LRP1B: variants seen among roughly 807,000 people sequenced by gnomAD.
The protein encoded by LRP1B is low-density lipoprotein receptor-related protein 1B.
LRP1B carries 217 observed loss-of-function variants against 556.6 expected under a neutral mutation model. That is an observed-to-expected ratio of 0.39 (90% CI 0.35 to 0.44). The LOEUF (loss-of-function observed/expected upper bound fraction) is 0.44, where lower values mean the gene tolerates loss of function less well. Among genes scored for constraint, LRP1B ranks in the 20% least tolerant of loss-of-function variants. The pLI is 1.00. For synonymous variants in LRP1B, 2,047 were observed against 1,865.8 expected (o/e 1.10, Z -2.50); for missense variants, 5,053 against 5,620.8 (o/e 0.90, Z 3.23).
intron 1 of LRP1B, among the ~76,000 whole-genome samples, chr2:141,951,891 C>A (rs767467607): frequency 2.0e-5 from 3 of 151,748 alleles, no homozygotes; most frequent in Admixed American, 2.0e-4. Flanking sequence ...ATGTGTACAA[C>A]GTGCATGTTT....
At chr2:140,907,666 T>A (rs1694296035) in intron 22 of LRP1B, among the ~76,000 whole-genome samples, 1 of 152,144 alleles carries the variant, frequency 6.6e-6, no homozygotes, top group Non-Finnish European at 1.5e-5. Flanking sequence ...TAGGCTAGCT[T>A]TTCCTATCTT....
chr2:142,010,554 C>CAAAAAAAAAAA (rs33927334), intron 1 of LRP1B, among the ~76,000 whole-genome samples: 8 of 60,234 alleles, frequency 1.3e-4, no homozygotes, highest in African/African-American at 3.2e-4. Context: ...GATTCTGTCT[C>CAAAAAAAAAAA]AAAAAAAAAA....
chr2:140,484,916 T>C (rs1321710512), intron 59 of LRP1B, among the ~76,000 whole-genome samples: 1 of 152,164 alleles, frequency 6.6e-6, no homozygotes. Flanking sequence ...TTATTATCCA[T>C]GGATACTGCT....
At chr2:141,661,545 A>G (rs1156304369) in intron 2 of LRP1B, among the ~76,000 whole-genome samples, 2 of 152,228 alleles carry the variant, frequency 1.3e-5, no homozygotes, top group African/African-American at 4.8e-5. Flanking sequence ...CACAAGTATC[A>G]AGAGCTGAAA....
chr2:141,836,899 T>A (rs1387711375), intron 1 of LRP1B, among the ~76,000 whole-genome samples: 3 of 152,022 alleles, frequency 2.0e-5, no homozygotes, highest in African/African-American at 7.2e-5. Flanking sequence ...CAAAGTAATT[T>A]TTTTTCTAAT....
chr2:141,159,991 GA>G (rs1243918678), intron 7 of LRP1B, among the ~76,000 whole-genome samples: 4 of 152,022 alleles, frequency 2.6e-5, no homozygotes, highest in Non-Finnish European at 5.9e-5. Flanking sequence ...AGGGCCTGTT[GA>G]GGGGTGGGAG....
At chr2:141,518,985 G>A (rs1315662353) in intron 2 of LRP1B, among the ~76,000 whole-genome samples, 2 of 151,336 alleles carry the variant, frequency 1.3e-5, no homozygotes, top group African/African-American at 4.9e-5. Flanking sequence ...AGAGAAAGAG[G>A]ATGTGGGGAG....
chr2:141,238,084 G>A (rs1683725335), intron 5 of LRP1B, among the ~76,000 whole-genome samples: 1 of 152,064 alleles, frequency 6.6e-6, no homozygotes, highest in South Asian at 2.1e-4. Flanking sequence ...AGATTTATAA[G>A]TAAATCACAA....
chr2:141,278,146 A>T (rs1340929294), intron 3 of LRP1B, among the ~76,000 whole-genome samples: 1 of 152,186 alleles, frequency 6.6e-6, no homozygotes, highest in Non-Finnish European at 1.5e-5. Context: ...TATGTACTCT[A>T]CAAAGGTAAA....
intron 21 of LRP1B, 144 bp downstream of exon 21, chr2:140,922,821 T>C: frequency 1.7e-6 from 1 of 575,642 alleles, no homozygotes; most frequent in South Asian, 3.0e-5. Context: ...TCTCCCTAAA[T>C]GTTAACTACT....
At chr2:140,535,746 G>A (rs1690925181) in intron 46 of LRP1B, among the ~76,000 whole-genome samples, 1 of 152,046 alleles carries the variant, frequency 6.6e-6, no homozygotes, top group South Asian at 2.1e-4. Flanking sequence ...ATATTTCCAG[G>A]AAAAAATATT....
chr2:141,874,781 C>CT lies in LRP1B; in HGVS notation c.83-64381dup, dbSNP rs566708863. On this transcript the variant is annotated intron_variant, in intron 1 of 90. Coordinates refer to ENST00000389484, the MANE Select transcript of LRP1B (RefSeq NM_018557.3). ...AATAAAATGCTGTAGTTAATTCCTG[C>CT]TTTTTATTTCCCATGGGATTAAAAA... Among the ~76,000 whole-genome samples, 65 of 152,036 alleles carry CT rather than the reference C, an allele frequency of 4.3e-4. No individual in the cohort carries two copies. In the South Asian group the frequency reaches 8.7e-3, roughly 20 times the overall value.
At chr2:141,321,677 T>C (rs1271170494) in intron 3 of LRP1B, among the ~76,000 whole-genome samples, 2 of 152,096 alleles carry the variant, frequency 1.3e-5, no homozygotes, top group East Asian at 1.9e-4. Context: ...GTCATGGAAG[T>C]GCATGGCACC....
intron 41 of LRP1B, among the ~76,000 whole-genome samples, chr2:140,604,830 T>C (rs557372621): frequency 9.2e-5 from 14 of 151,864 alleles, no homozygotes; most frequent in South Asian, 4.1e-4. Context: ...GTTCCCGTGA[T>C]AGTGAAAAAG....
intron 3 of LRP1B, among the ~76,000 whole-genome samples, chr2:141,313,340 T>A (rs1016578729): frequency 6.6e-6 from 1 of 152,048 alleles, no homozygotes; most frequent in Non-Finnish European, 1.5e-5. Context: ...AAATTTTTAG[T>A]TCCTCAAATT....
chr2:140,765,884 C>T (rs1689085893), intron 35 of LRP1B, among the ~76,000 whole-genome samples: 1 of 152,058 alleles, frequency 6.6e-6, no homozygotes, highest in Admixed American at 6.6e-5. Context: ...ATGACTGGGG[C>T]TGTTTGTTTA....
intron 59 of LRP1B, among the ~76,000 whole-genome samples, chr2:140,483,640 A>ATATATATTT (rs1491228405): frequency 8.5e-5 from 6 of 70,736 alleles, no homozygotes; most frequent in African/African-American, 3.2e-4. Flanking sequence ...ATATATATAT[A>ATATATATTT]TTTTTTTTTT....
chr2:140,259,358 A>G (rs916363678), intron 86 of LRP1B, among the ~76,000 whole-genome samples: 1 of 152,144 alleles, frequency 6.6e-6, no homozygotes, highest in Non-Finnish European at 1.5e-5. Flanking sequence ...AAGACGGTGT[A>G]TTAAGCCTGT....
intron 46 of LRP1B, among the ~76,000 whole-genome samples, chr2:140,534,601 C>G (rs1370457258): frequency 6.6e-6 from 1 of 152,094 alleles, no homozygotes; most frequent in African/African-American, 2.4e-5. Flanking sequence ...ATGGAGTCAT[C>G]TAAATATCAA....
Sources: gnomAD v4.1 joint callset for allele counts (sites outside exome capture counted in the v4.1 genomes callset) on GRCh38, gnomAD v4.1.1 for gene constraint, MANE v1.5 for transcripts, NCBI Gene and HGNC (gene_info 2026-07-23, HGNC 2026-07-21) for gene names.